PPP1R13B: variants seen among roughly 807,000 people sequenced by gnomAD.
PPP1R13B encodes the protein protein phosphatase 1 regulatory subunit 13B.
PPP1R13B carries 44 observed loss-of-function variants against 119.8 expected under a neutral mutation model. The ratio of observed to expected loss-of-function variants is 0.37; its 90% CI spans 0.29 to 0.47. The LOEUF is 0.47. Ranked by LOEUF, PPP1R13B falls within the 20% of genes least tolerant of loss-of-function variation. The pLI, the probability that PPP1R13B is intolerant of heterozygous loss-of-function variation, is 0.99. For synonymous variants in PPP1R13B, 542 were observed against 561.5 expected (o/e 0.97, Z 0.49); for missense variants, 1,227 against 1,413.5 (o/e 0.87, Z 2.12).
intron 4 of PPP1R13B, among the ~76,000 whole-genome samples, chr14:103,778,006 C>T (rs1489678701): frequency 6.6e-6 from 1 of 151,198 alleles, no homozygotes; most frequent in Non-Finnish European, 1.5e-5. Flanking sequence ...GGCTGGAGTG[C>T]AATGGTGCGA....
rs57736391 is a variant in PPP1R13B, at chr14:103,785,517, CTT to C, written c.158-605_158-604del. 7.8e-4 allele frequency among the ~76,000 whole-genome samples: 94 copies of C among 120,128 alleles called. No homozygotes were observed. In the Middle Eastern group the frequency reaches 0.02, roughly 25 times the overall value. The allele number at this position is 120,128 out of a possible 152,430, so 78.8% of individuals were successfully genotyped here. The stretch of plus-strand genomic sequence containing the variant: ...ATAGGCGTGAGCCATCACACTCAGC[CTT>C]TTTTTTTTTTTTTTTTTGAGACAGA... On this transcript the variant is annotated intron_variant, in intron 2 of 16. Transcript: ENST00000202556.
intron 1 of PPP1R13B, among the ~76,000 whole-genome samples, chr14:103,816,567 A>ACCTCCACC (rs2086285752): frequency 1.3e-5 from 2 of 151,188 alleles, no homozygotes; most frequent in Non-Finnish European, 3.0e-5. Flanking sequence ...CATGCCTGTA[A>ACCTCCACC]TCCCAGTACT....
At position 103,746,556 on chromosome 14, in the gene PPP1R13B, A is replaced by G; in HGVS notation, c.970-3T>C. On this transcript the variant is annotated splice_region_variant and splice_polypyrimidine_tract_variant and intron_variant, in intron 8 of 16. Transcript: ENST00000202556. ...GACGTGCCATTCACACGGTTCAGCT[A>G]CAAATTGGGAAGAAATGAGAGTCAA... 6.3e-7 allele frequency: 1 copy of G among 1,576,288 alleles called. No homozygotes were observed. Among genetic ancestry groups the G allele is most frequent in the East Asian group, 2.3e-5 (1 of 43,620 alleles).
chr14:103,800,520 G>T (rs1204383796), intron 1 of PPP1R13B, among the ~76,000 whole-genome samples: 1 of 151,942 alleles, frequency 6.6e-6, no homozygotes, highest in Admixed American at 6.6e-5. Context: ...CAGGCGTGGT[G>T]GCCCGCGCCT....
chr14:103,740,869 C>T lies in PPP1R13B; in HGVS notation c.1823-276G>A, dbSNP rs560616547. Reference sequence around the variant, plus strand: ...AAAAGAAAAAAATAGGGTGCTAACCCGACTTTTCCTGCCGCAGACAAGCCT... The same window carrying T: ...AAAAGAAAAAAATAGGGTGCTAACCTGACTTTTCCTGCCGCAGACAAGCCT... On this transcript the variant is annotated intron_variant, in intron 11 of 16. Transcript: ENST00000202556. The surrounding 1 kb of genome is among the most constrained non-coding windows in gnomAD (Gnocchi z 4.6). 5.9e-5 allele frequency among the ~76,000 whole-genome samples: 9 copies of T among 152,328 alleles called. No homozygotes were observed. Among genetic ancestry groups the T allele is most frequent in the South Asian group, 2.1e-4 (1 of 4,826 alleles).
At chr14:103,812,684 G>A (rs2086188952) in intron 1 of PPP1R13B, among the ~76,000 whole-genome samples, 2 of 152,164 alleles carry the variant, frequency 1.3e-5, no homozygotes, top group Non-Finnish European at 2.9e-5. Flanking sequence ...CAAGGTGCTA[G>A]GATTACACGC....
chr14:103,736,515 A>G, intron 15 of PPP1R13B: 2 of 427,778 alleles, frequency 4.7e-6, no homozygotes, highest in South Asian at 3.3e-5. Context: ...GCCAGAACAG[A>G]TTTCTAAAGT....
rs376044714 is a variant in PPP1R13B at position 103,740,447 on chromosome 14, G to A, written c.1969C>T (p.Pro657Ser). The A allele has an allele frequency of 3.0e-5, 49 of 1,606,936 alleles. No individual in the cohort carries two copies. In the African/African-American group the frequency reaches 5.6e-4, roughly 18 times the overall value. Residue 657 changes from proline to serine, a missense_variant, in exon 12 of 17, where the codon CCC becomes TCC. Physicochemically the swap from Pro to Ser is moderately conservative, Grantham distance 74. Transcript: ENST00000202556. This position sits in a 1 kb window ranked among gnomAD's most constrained non-coding sequence, Gnocchi z 4.6. ...CTCTCCACGGTGCTGCCATCTGCGG[G>A]GGCGGCGGGGCCATCCTGCTCAGGC... The part of the protein sequence containing the change: ...KEPEQDGPAA[P>S]ADGSTVESLP...
intron 8 of PPP1R13B, among the ~76,000 whole-genome samples, chr14:103,749,086 A>T (rs2084473027): frequency 6.6e-6 from 1 of 152,114 alleles, no homozygotes; most frequent in East Asian, 1.9e-4. Flanking sequence ...TAAGGAATCG[A>T]CTCATGTGAT....
At chr14:103,811,029 G>A (rs2086141138) in intron 1 of PPP1R13B, among the ~76,000 whole-genome samples, 1 of 142,586 alleles carries the variant, frequency 7.0e-6, no homozygotes, top group African/African-American at 2.6e-5. Context: ...GGAGGCAGAG[G>A]TTGCAGTAAG....
intron 1 of PPP1R13B, among the ~76,000 whole-genome samples, chr14:103,812,861 A>C (rs2086193752): frequency 6.6e-6 from 1 of 152,248 alleles, no homozygotes; most frequent in Non-Finnish European, 1.5e-5. Context: ...CAACAGTGAA[A>C]TACTACTACA....
chr14:103,737,151 C>CTT (rs2084133710), intron 15 of PPP1R13B: 1 of 152,446 alleles, frequency 6.6e-6, no homozygotes, highest in African/African-American at 2.4e-5. Context: ...GAATCTGGCA[C>CTT]AGAATCCTTC....
intron 4 of PPP1R13B, 27 bp downstream of exon 4, chr14:103,778,718 A>G: frequency 1.3e-6 from 2 of 1,593,164 alleles, no homozygotes; most frequent in Non-Finnish European, 1.7e-6. Context: ...CAATTTTTAA[A>G]ATTCAATTTA....
intron 1 of PPP1R13B, among the ~76,000 whole-genome samples, chr14:103,807,684 C>T (rs866680852): frequency 5.5e-4 from 84 of 151,990 alleles, no homozygotes; most frequent in African/African-American, 1.6e-3. Flanking sequence ...TTAGAAGAGA[C>T]GGGGTTTCAC....
chr14:103,756,385 C>T lies in PPP1R13B; in HGVS notation c.456+1265G>A, dbSNP rs1016598524. On this transcript the variant is annotated intron_variant, in intron 5 of 16. Coordinates refer to ENST00000202556, the MANE Select transcript of PPP1R13B (RefSeq NM_015316.3). Reference sequence around the variant, plus strand: ...GATTACAGGTATAAGCCACCACGCCCGGCCAGTTTCAGAATATTTTAAGAT... The same window carrying T: ...GATTACAGGTATAAGCCACCACGCCTGGCCAGTTTCAGAATATTTTAAGAT... Among the ~76,000 whole-genome samples the T allele has an allele frequency of 2.0e-5, 3 of 152,240 alleles. No homozygotes were observed. The East Asian group carries it at 5.8e-4, about 29-fold the overall frequency.
At chr14:103,805,619 G>A (rs2086000185) in intron 1 of PPP1R13B, among the ~76,000 whole-genome samples, 1 of 151,724 alleles carries the variant, frequency 6.6e-6, no homozygotes, top group South Asian at 2.1e-4. Context: ...AGAGAGAAAA[G>A]GAAAGACAAG....
chr14:103,742,317 A>G lies in PPP1R13B; in HGVS notation c.1321-26T>C. 6.6e-7 allele frequency: 1 copy of G among 1,517,666 alleles called. No homozygotes were observed. Among genetic ancestry groups the G allele is most frequent in the African/African-American group, 1.4e-5 (1 of 72,284 alleles). The allele number at this position is 1,517,666 out of a possible 1,614,324, so 94.0% of individuals were successfully genotyped here. A position where few individuals can be genotyped will look rare whatever the true frequency, so the allele number is the denominator to read the frequency against. The stretch of plus-strand genomic sequence containing the variant: ...CTAAGTTTAGGTGTTAAGAAGAAAA[A>G]CAAAGTCACCCTTTGAACAGTTAAG... On this transcript the variant is annotated intron_variant, in intron 10 of 16. Transcript: ENST00000202556. The surrounding 1 kb of genome is among the most constrained non-coding windows in gnomAD (Gnocchi z 4.9).
At chr14:103,794,013 G>A (rs1442254647) in intron 2 of PPP1R13B, among the ~76,000 whole-genome samples, 1 of 152,182 alleles carries the variant, frequency 6.6e-6, no homozygotes, top group African/African-American at 2.4e-5. Context: ...GGGGAGGTTT[G>A]TCCACAGACA....
intron 5 of PPP1R13B, 47 bp from the exon 6 acceptor site, chr14:103,754,291 G>T: frequency 2.6e-6 from 4 of 1,561,462 alleles, no homozygotes; most frequent in Non-Finnish European, 3.5e-6. Flanking sequence ...AAGGCTGGGC[G>T]CGGTGGCTCA....
Sources: allele counts gnomAD v4.1 joint callset (sites outside exome capture counted in the v4.1 genomes callset), GRCh38; gene constraint gnomAD v4.1.1; non-coding constraint Gnocchi (gnomAD v3.1); transcripts MANE v1.5; gene names NCBI Gene and HGNC (gene_info 2026-07-23, HGNC 2026-07-21).